GET3: variants seen among roughly 807,000 people sequenced by gnomAD.
GET3 encodes the protein ATPase GET3.
In GET3, 15 loss-of-function variants were observed where a neutral mutation model predicts 32.4. The ratio of observed to expected loss-of-function variants is 0.46; its 90% CI spans 0.31 to 0.71. The LOEUF is 0.71. Ranked by LOEUF, GET3 falls within the 30% of genes least tolerant of loss-of-function variation. GET3 has a pLI of 0.05. For synonymous variants in GET3, 198 were observed against 185.6 expected (o/e 1.07, Z -0.54); for missense variants, 333 against 459.0 (o/e 0.73, Z 2.51).
chr19:12,738,413 C>G (rs1967610891), intron 1 of GET3, 98 bp from the exon 2 acceptor site: 3 of 1,488,202 alleles, frequency 2.0e-6, no homozygotes, highest in Non-Finnish European at 2.7e-6. Context: ...CCTGCTGATT[C>G]GGGTCACCTG....
In GET3 at chr19:12,745,449, G is replaced by A; in HGVS notation, c.382G>A (p.Gly128Ser). The stretch of plus-strand genomic sequence containing the variant: ...CGAGGAGGACAACATGCTGAGCATG[G>A]GCAAGAAGATGATGCAGGAGGCCAT... Reference protein sequence around the residue: ...FFEEDNMLSMGKKMMQEAMSA... With the variant: ...FFEEDNMLSMSKKMMQEAMSA... The change falls in exon 3 of 7, where the codon GGC becomes AGC. Residue 128 changes from glycine to serine, a missense_variant. Around this residue, in one of 3 missense-constraint regions of GET3, gnomAD observed 230 missense variants for 389.2 expected, o/e 0.59. Coordinates refer to ENST00000357332, the MANE Select transcript of GET3 (RefSeq NM_004317.4). The surrounding 1 kb of genome is among the most constrained non-coding windows in gnomAD (Gnocchi z 5.0). The A allele has an allele frequency of 6.2e-7, 1 of 1,613,206 alleles. No individual in the cohort carries two copies. Among genetic ancestry groups the A allele is most frequent in the Non-Finnish European group, 8.5e-7 (1 of 1,180,000 alleles).
chr19:12,745,748 T>G lies in GET3; in HGVS notation c.598T>G (p.Phe200Val), dbSNP rs1410130277. ...GCAGATCAAGAACCAGATCAGCCCT[T>G]TCATCTCACAGGCAGGCGGCGGGGG... ...LMQIKNQISP[F>V]ISQMCNMLGL... Residue 200 changes from phenylalanine to valine, a missense_variant, in exon 4 of 7, where the codon TTC becomes GTC. Coordinates refer to ENST00000357332, the MANE Select transcript of GET3 (RefSeq NM_004317.4). The surrounding 1 kb of genome is among the most constrained non-coding windows in gnomAD (Gnocchi z 5.0). The G allele has an allele frequency of 1.2e-6, 2 of 1,608,584 alleles. No individual in the cohort carries two copies. Among genetic ancestry groups the G allele is most frequent in the African/African-American group, 1.3e-5 (1 of 74,898 alleles).
chr19:12,747,737 A>G lies in GET3; in HGVS notation c.915+145A>G. ...CAGATCCTTCACCCTTATTCCGGCC[A>G]TAGAGGACTGTGGCTGGCCTGGCCT... On this transcript the variant is annotated intron_variant, in intron 6 of 6. Coordinates refer to ENST00000357332, the MANE Select transcript of GET3 (RefSeq NM_004317.4). The surrounding 1 kb of genome is among the most constrained non-coding windows in gnomAD (Gnocchi z 4.0). 1.6e-6 allele frequency: 2 copies of G among 1,230,556 alleles called. No homozygotes were observed. Among genetic ancestry groups the G allele is most frequent in the South Asian group, 1.4e-5 (1 of 69,602 alleles). The allele number at this position is 1,230,556 out of a possible 1,614,324, so 76.2% of individuals were successfully genotyped here.
intron 2 of GET3, among the ~76,000 whole-genome samples, chr19:12,740,581 G>T (rs1160292021): frequency 1.3e-5 from 2 of 152,082 alleles, no homozygotes; most frequent in African/African-American, 4.8e-5. Context: ...GGAGGCTGAG[G>T]CAGGAGAATG....
At position 12,747,175 on chromosome 19, in the gene GET3, C is replaced by T. The variant is rs1204278431; in HGVS notation, c.610-22C>T. On this transcript the variant is annotated intron_variant, in intron 4 of 6. Transcript: ENST00000357332. This position sits in a 1 kb window ranked among gnomAD's most constrained non-coding sequence, Gnocchi z 4.0. ...GAGGTCGCCGCAGGTAAGCTATGAG[C>T]CCTCCCACATCCCCCCTGCAGATGT... 6 of 1,563,590 alleles carry T rather than the reference C, an allele frequency of 3.8e-6. No homozygotes were observed. The highest frequency in any genetic ancestry group is 5.2e-6 in the Non-Finnish European group (6 of 1,153,738).
chr19:12,742,067 C>T (rs1224412366), intron 2 of GET3, among the ~76,000 whole-genome samples: 1 of 151,990 alleles, frequency 6.6e-6, no homozygotes, highest in Non-Finnish European at 1.5e-5. Context: ...GAGTTCAAGA[C>T]CAGCCTGGGC....
In GET3 at chr19:12,747,326, G is replaced by A. The variant is rs559250641; in HGVS notation, c.717+22G>A. The A allele has an allele frequency of 1.9e-5, 30 of 1,609,424 alleles. No homozygotes were observed. In the African/African-American group the frequency reaches 2.1e-4, roughly 11 times the overall value. The stretch of plus-strand genomic sequence containing the variant: ...CCCTGTGAGTGGTGGTCTGGCTGGC[G>A]GTGAGAGGCCCGGGGGCTGAGGACA... On this transcript the variant is annotated intron_variant, in intron 5 of 6. Transcript: ENST00000357332. The surrounding 1 kb of genome is among the most constrained non-coding windows in gnomAD (Gnocchi z 4.0).
upstream of GET3, chr19:12,737,404 A>C: frequency 1.5e-6 from 2 of 1,354,732 alleles, no homozygotes; most frequent in Non-Finnish European, 1.9e-6. Context: ...GTAATGAGGA[A>C]ATTAACTCAT....
intron 2 of GET3, among the ~76,000 whole-genome samples, chr19:12,740,990 G>A (rs1967657502): frequency 6.6e-6 from 1 of 152,206 alleles, no homozygotes; most frequent in African/African-American, 2.4e-5. Flanking sequence ...AACCAGAATT[G>A]TCTGGATCAT....
rs534074567 is a variant in GET3, at chr19:12,745,799, C to T, written c.609+40C>T. Reference sequence around the variant, plus strand: ...CCCCCACCTGCACCATCCAGGCAGCCGGGAGTGGGAGTAGGCCCGGGCCCC... The same window carrying T: ...CCCCCACCTGCACCATCCAGGCAGCTGGGAGTGGGAGTAGGCCCGGGCCCC... On this transcript the variant is annotated intron_variant, in intron 4 of 6. Transcript: ENST00000357332. The surrounding 1 kb of genome is among the most constrained non-coding windows in gnomAD (Gnocchi z 5.0). The T allele has an allele frequency of 3.8e-6, 6 of 1,563,464 alleles. No homozygotes were observed. Among genetic ancestry groups the T allele is most frequent in the Admixed American group, 3.7e-5 (2 of 54,012 alleles).
In GET3 at chr19:12,745,227, G is replaced by A. The variant is rs540707364; in HGVS notation, c.310-150G>A. 4.5e-5 allele frequency: 37 copies of A among 820,796 alleles called. No homozygotes were observed. Among genetic ancestry groups the A allele is most frequent in the African/African-American group, 3.1e-4 (18 of 57,518 alleles). 50.8% of individuals were successfully genotyped at this position (820,796 alleles called of 1,614,324 possible). A position where few individuals can be genotyped will look rare whatever the true frequency, so the allele number is the denominator to read the frequency against. The stretch of plus-strand genomic sequence containing the variant: ...GTACTACCTCAGGGTCCCCCCAGCC[G>A]TGACCTAATGAAATGCCTGTGGTCA... On this transcript the variant is annotated intron_variant, in intron 2 of 6. Transcript: ENST00000357332. The surrounding 1 kb of genome is among the most constrained non-coding windows in gnomAD (Gnocchi z 5.0).
chr19:12,737,145 C>A (rs1967583206), upstream of GET3: 1 of 175,040 alleles, frequency 5.7e-6, no homozygotes, highest in South Asian at 1.3e-4. Context: ...GGGTGTTTGG[C>A]TGGTTGCTAA....
At chr19:12,741,758 CA>C (rs890464662) in intron 2 of GET3, among the ~76,000 whole-genome samples, 90 of 123,668 alleles carry the variant, frequency 7.3e-4, no homozygotes, top group Admixed American at 1.1e-3. Context: ...CACTCCATCT[CA>C]AAAAAAAAAA....
At chr19:12,737,479 C>T (rs748057985), upstream of GET3, 1 of 1,484,850 alleles carries the variant, frequency 6.7e-7, no homozygotes, top group Non-Finnish European at 9.0e-7. Context: ...TGGTGCGCTC[C>T]GCTGGATCAC....
At position 12,748,100 on chromosome 19, in the gene GET3, A is replaced by G; in HGVS notation, c.1043A>G (p.Gln348Arg). 6.3e-7 allele frequency: 1 copy of G among 1,588,408 alleles called. No individual in the cohort carries two copies. Among genetic ancestry groups the G allele is most frequent in the Non-Finnish European group, 8.6e-7 (1 of 1,162,918 alleles). Residue 348 changes from glutamine (Q) to arginine (R), a missense_variant, in exon 7 of 7, where the codon CAG becomes CGG. Gln to Arg is a conservative substitution (Grantham distance 43). Transcript: ENST00000357332. The stretch of plus-strand genomic sequence containing the variant: ...GAGCCCTACAAGCCCCCCAGTGCCC[A>G]GTAGCACAGCTGCCAGCCCCAACCG... ...LLEPYKPPSA[Q>R] is the part of the protein sequence containing the mutation.
In GET3 at chr19:12,748,140, T is replaced by TCACCCTC; in HGVS notation, c.*45_*51dup. 3.9e-6 allele frequency: 6 copies of TCACCCTC among 1,547,300 alleles called. No individual in the cohort carries two copies. Among genetic ancestry groups the TCACCCTC allele is most frequent in the Non-Finnish European group, 5.3e-6 (6 of 1,139,266 alleles). On this transcript the variant is annotated 3_prime_UTR_variant, in exon 7 of 7. Coordinates refer to ENST00000357332, the MANE Select transcript of GET3 (RefSeq NM_004317.4). Reference sequence around the variant, plus strand: ...AGCCCCAACCGCTGCCATTTCACACTCACCCTCCACCCTCCCCACCCCCTC... The same window carrying TCACCCTC: ...AGCCCCAACCGCTGCCATTTCACACTCACCCTCCACCCTCCACCCTCCCCACCCCCTC...
chr19:12,737,749 A>T, intron 1 of GET3, 83 bp downstream of exon 1: 1 of 1,488,418 alleles, frequency 6.7e-7, no homozygotes. Flanking sequence ...CTTTTCCACC[A>T]CGACCGGGGC....
intron 2 of GET3, among the ~76,000 whole-genome samples, chr19:12,743,865 G>T (rs1224812446): frequency 7.1e-6 from 1 of 140,684 alleles, no homozygotes; most frequent in East Asian, 2.4e-4. Context: ...AAGTAGCTGG[G>T]ACTACAGGCA....
chr19:12,747,357 A>G lies in GET3; in HGVS notation c.718-38A>G, dbSNP rs200277967. 469 of 1,612,142 alleles carry G rather than the reference A, an allele frequency of 2.9e-4. No individual in the cohort carries two copies. The highest frequency in any genetic ancestry group is 6.5e-4 in the Admixed American group (39 of 60,000). The stretch of plus-strand genomic sequence containing the variant: ...AGGCCCGGGGGCTGAGGACAGGGGC[A>G]GACCCCGCCCCTCACTGTCCTCTCT... On this transcript the variant is annotated intron_variant, in intron 5 of 6. Coordinates refer to ENST00000357332, the MANE Select transcript of GET3 (RefSeq NM_004317.4). The surrounding 1 kb of genome is among the most constrained non-coding windows in gnomAD (Gnocchi z 4.0).
Sources: gnomAD v4.1 joint callset for allele counts (sites outside exome capture counted in the v4.1 genomes callset) on GRCh38, gnomAD v4.1.1 for gene constraint, gnomAD v4.1.1 regional missense constraint, Gnocchi (gnomAD v3.1) non-coding constraint, MANE v1.5 for transcripts, NCBI Gene and HGNC (gene_info 2026-07-23, HGNC 2026-07-21) for gene names.